Variants in DCLK1 observed in about 807,000 individuals in gnomAD.
The protein encoded by DCLK1 is serine/threonine-protein kinase DCLK1.
Under a neutral mutation model 86.2 loss-of-function variants are expected in DCLK1, and 16 were observed. The ratio of observed to expected loss-of-function variants is 0.19; its 90% CI spans 0.13 to 0.28. DCLK1 has a LOEUF of 0.28. Ranked by LOEUF, DCLK1 falls within the 10% of genes least tolerant of loss-of-function variation. DCLK1 has a pLI of 1.00. For synonymous variants in DCLK1, 369 were observed against 370.5 expected (o/e 1.00, Z 0.05); for missense variants, 590 against 940.2 (o/e 0.63, Z 4.87).
chr13:36,038,628 G>A (rs1319168747), intron 3 of DCLK1, among the ~76,000 whole-genome samples: 3 of 152,296 alleles, frequency 2.0e-5, no homozygotes, highest in East Asian at 1.9e-4. Flanking sequence ...ATTTGGTGAT[G>A]CTATTCAGGT....
intron 11 of DCLK1, among the ~76,000 whole-genome samples, chr13:35,820,757 T>C (rs1251062422): frequency 6.6e-6 from 1 of 152,138 alleles, no homozygotes; most frequent in African/African-American, 2.4e-5. Flanking sequence ...CTGCAGTTGA[T>C]GGAGGTAACT....
At position 35,992,529 on chromosome 13, in the gene DCLK1, C is replaced by CT. The variant is rs1880282605; in HGVS notation, c.724-45073dup. 3.3e-5 allele frequency among the ~76,000 whole-genome samples: 5 copies of CT among 151,750 alleles called. No individual in the cohort carries two copies. The South Asian group carries it at 8.3e-4, about 25-fold the overall frequency. On this transcript the variant is annotated intron_variant, in intron 3 of 16. Coordinates refer to ENST00000360631, the MANE Select transcript of DCLK1 (RefSeq NM_001330071.2). Reference sequence around the variant, plus strand: ...ACAGACAAGTTTTGTGCATTTCTAACTTTGCACTGGAAATCTACTCCTGAC... The same window carrying CT: ...ACAGACAAGTTTTGTGCATTTCTAACTTTTGCACTGGAAATCTACTCCTGAC...
At chr13:36,099,135 T>G (rs1053905910) in intron 3 of DCLK1, among the ~76,000 whole-genome samples, 1 of 151,964 alleles carries the variant, frequency 6.6e-6, no homozygotes, top group Non-Finnish European at 1.5e-5. Context: ...ACCTGGCTCA[T>G]TTTTGTATTT....
At chr13:36,007,725 A>G (rs1031789372) in intron 3 of DCLK1, among the ~76,000 whole-genome samples, 1 of 152,232 alleles carries the variant, frequency 6.6e-6, no homozygotes, top group African/African-American at 2.4e-5. Flanking sequence ...AGAAAGAGCA[A>G]AAGAAGAACA....
intron 3 of DCLK1, among the ~76,000 whole-genome samples, chr13:36,009,833 G>A (rs1203379489): frequency 4.5e-5 from 4 of 88,426 alleles, no homozygotes; most frequent in Non-Finnish European, 8.7e-5. Context: ...CCATTTTCAC[G>A]ATATTGATTC....
intron 3 of DCLK1, among the ~76,000 whole-genome samples, chr13:35,985,728 C>A (rs1374597375): frequency 1.3e-5 from 2 of 152,202 alleles, no homozygotes; most frequent in Non-Finnish European, 2.9e-5. Flanking sequence ...GGATGGGCTG[C>A]CCCTCCAGGC....
intron 14 of DCLK1, among the ~76,000 whole-genome samples, chr13:35,806,814 C>G (rs555473386): frequency 6.6e-6 from 1 of 152,196 alleles, no homozygotes; most frequent in East Asian, 1.9e-4. Flanking sequence ...GAAGAGCCCC[C>G]GGCCCTGCAG....
At chr13:35,834,968 A>T (rs1024996376) in intron 8 of DCLK1, among the ~76,000 whole-genome samples, 1 of 152,194 alleles carries the variant, frequency 6.6e-6, no homozygotes, top group African/African-American at 2.4e-5. Context: ...CCAGGAGCAC[A>T]TAAGTGACTA....
At chr13:36,014,643 C>A (rs1816481169) in intron 3 of DCLK1, among the ~76,000 whole-genome samples, 1 of 152,108 alleles carries the variant, frequency 6.6e-6, no homozygotes, top group Non-Finnish European at 1.5e-5. Flanking sequence ...ACAACAGCAA[C>A]AGGTAAGTCA....
At chr13:35,860,138 T>C (rs577254427) in intron 5 of DCLK1, among the ~76,000 whole-genome samples, 2 of 152,318 alleles carry the variant, frequency 1.3e-5, no homozygotes, top group East Asian at 3.9e-4. Flanking sequence ...TTTGCATATA[T>C]GTGTGTGTCC....
At chr13:35,812,271 T>C (rs2087163382) in intron 11 of DCLK1, among the ~76,000 whole-genome samples, 1 of 152,130 alleles carries the variant, frequency 6.6e-6, no homozygotes, top group Non-Finnish European at 1.5e-5. Context: ...ATGAATAAGA[T>C]TAAGAAAAGA....
intron 3 of DCLK1, among the ~76,000 whole-genome samples, chr13:35,992,391 C>T (rs1880275757): frequency 6.6e-6 from 1 of 151,474 alleles, no homozygotes; most frequent in Admixed American, 6.6e-5. Context: ...GTTGACAGTA[C>T]TAGGATGTGG....
At chr13:36,117,816 A>T (rs1224697678) in intron 2 of DCLK1, among the ~76,000 whole-genome samples, 1 of 152,172 alleles carries the variant, frequency 6.6e-6, no homozygotes, top group African/African-American at 2.4e-5. Flanking sequence ...AGATGTGTCT[A>T]TGAAAAGATT....
chr13:35,800,995 G>T (rs750011881), intron 15 of DCLK1, among the ~76,000 whole-genome samples: 1 of 151,810 alleles, frequency 6.6e-6, no homozygotes, highest in African/African-American at 2.4e-5. Flanking sequence ...GAGTGCTGGG[G>T]TTACAGGCAT....
intron 15 of DCLK1, among the ~76,000 whole-genome samples, chr13:35,794,904 C>T (rs1295862498): frequency 2.0e-5 from 3 of 152,118 alleles, no homozygotes; most frequent in Non-Finnish European, 4.4e-5. Context: ...CATGAAGTGC[C>T]GACCTTGTCA....
At chr13:35,810,103 G>C (rs2087111685) in intron 12 of DCLK1, among the ~76,000 whole-genome samples, 1 of 152,194 alleles carries the variant, frequency 6.6e-6, no homozygotes, top group Non-Finnish European at 1.5e-5. Context: ...TACCAAAGGA[G>C]TCTTTGACTC....
chr13:35,798,591 G>GC (rs754737541), intron 15 of DCLK1, among the ~76,000 whole-genome samples: 3 of 152,120 alleles, frequency 2.0e-5, no homozygotes, highest in Non-Finnish European at 4.4e-5. Flanking sequence ...CTTCAGCATG[G>GC]CCCTATGATT....
intron 3 of DCLK1, among the ~76,000 whole-genome samples, chr13:35,997,350 ATC>A (rs1349468107): frequency 6.6e-6 from 1 of 152,198 alleles, no homozygotes; most frequent in African/African-American, 2.4e-5. Flanking sequence ...TTCTTTTCTC[ATC>A]TCTCATTTTA....
At chr13:35,869,810 ACCACTGCCCTCACCTACTGTTT>A (rs1872140981) in intron 5 of DCLK1, among the ~76,000 whole-genome samples, 1 of 152,004 alleles carries the variant, frequency 6.6e-6, no homozygotes, top group Non-Finnish European at 1.5e-5. Context: ...TAGTTTGAGA[ACCACTGCCCTCACCTACTGTTT>A]CTCAAAATGT....
Sources: gnomAD v4.1 joint callset for allele counts (sites outside exome capture counted in the v4.1 genomes callset) on GRCh38, gnomAD v4.1.1 for gene constraint, MANE v1.5 for transcripts, NCBI Gene and HGNC (gene_info 2026-07-23, HGNC 2026-07-21) for gene names.